CCNY: variants seen among roughly 807,000 people sequenced by gnomAD.
The protein encoded by CCNY is cyclin Y, also known as cyclin-Y.
In CCNY, 19 loss-of-function variants were observed where a neutral mutation model predicts 42.8. The observed-to-expected ratio is 0.44, with a 90% CI of 0.31 to 0.65. CCNY has a LOEUF of 0.65. CCNY is among the 30% of genes least tolerant of loss of function. The pLI, the probability that CCNY is intolerant of heterozygous loss-of-function variation, is 0.07. For synonymous variants in CCNY, 165 were observed against 162.7 expected (o/e 1.01, Z -0.11); for missense variants, 370 against 437.3 (o/e 0.85, Z 1.37).
At chr10:35,431,775 A>G (rs1042035407) in intron 1 of CCNY, among the ~76,000 whole-genome samples, 2 of 151,862 alleles carry the variant, frequency 1.3e-5, no homozygotes, top group Non-Finnish European at 2.9e-5. Context: ...GCTACGTTAG[A>G]CCTCGGTTCC....
At chr10:35,258,343 G>T (rs1264609308) in intron 3 of CCNY, among the ~76,000 whole-genome samples, 1 of 152,188 alleles carries the variant, frequency 6.6e-6, no homozygotes, top group Non-Finnish European at 1.5e-5. Flanking sequence ...CCCTGGGCAG[G>T]TGTGAGTACT....
At chr10:35,318,856 C>G (rs1835790659) in intron 3 of CCNY, among the ~76,000 whole-genome samples, 1 of 151,830 alleles carries the variant, frequency 6.6e-6, no homozygotes, top group Non-Finnish European at 1.5e-5. Context: ...AATACAAGAC[C>G]CTCCCCTCCC....
intron 1 of CCNY, among the ~76,000 whole-genome samples, chr10:35,376,403 A>G (rs1177383554): frequency 2.0e-5 from 3 of 152,240 alleles, no homozygotes; most frequent in Non-Finnish European, 4.4e-5. Flanking sequence ...GGTGAAGACA[A>G]CTCAAATGTC....
intron 3 of CCNY, among the ~76,000 whole-genome samples, chr10:35,290,059 T>G (rs1835393707): frequency 6.6e-6 from 1 of 151,524 alleles, no homozygotes; most frequent in Non-Finnish European, 1.5e-5. Flanking sequence ...CCCTGCTGTC[T>G]ACTAAAAATA....
chr10:35,465,372 C>T (rs901397701), intron 1 of CCNY, among the ~76,000 whole-genome samples: 1 of 152,118 alleles, frequency 6.6e-6, no homozygotes, highest in African/African-American at 2.4e-5. Flanking sequence ...GAGGTCGTCA[C>T]GTATATTTCT....
At chr10:35,534,378 CAACTG>C (rs1282630683) in intron 7 of CCNY, among the ~76,000 whole-genome samples, 1 of 152,166 alleles carries the variant, frequency 6.6e-6, no homozygotes, top group Non-Finnish European at 1.5e-5. Flanking sequence ...GGACATCACT[CAACTG>C]AACCTTGATT....
chr10:35,362,944 T>C (rs1836721351), intron 1 of CCNY, among the ~76,000 whole-genome samples: 1 of 150,574 alleles, frequency 6.6e-6, no homozygotes, highest in African/African-American at 2.5e-5. Flanking sequence ...TCCCAGATGG[T>C]CGGTGGCCGT....
intron 1 of CCNY, among the ~76,000 whole-genome samples, chr10:35,457,442 G>GCCC (rs1839061732): frequency 6.6e-6 from 1 of 152,156 alleles, no homozygotes; most frequent in Admixed American, 6.5e-5. Flanking sequence ...GGGAGGCCTT[G>GCCC]CCCCTCCGTG....
intron 1 of CCNY, among the ~76,000 whole-genome samples, chr10:35,373,514 A>G (rs1836983953): frequency 6.6e-6 from 1 of 152,120 alleles, no homozygotes; most frequent in African/African-American, 2.4e-5. Context: ...AGTAAAGAGG[A>G]ACGGCATACC....
rs1161782614 is a variant in CCNY, at chr10:35,365,204, G to A, written c.154+27997G>A. Among the ~76,000 whole-genome samples, 3 of 152,118 alleles carry A rather than the reference G, an allele frequency of 2.0e-5. No homozygotes were observed. In the East Asian group the frequency reaches 5.8e-4, roughly 29 times the overall value. On this transcript the variant is annotated intron_variant, in intron 1 of 9. Transcript: ENST00000374704. ...AGGCTATCTTTTCTGTAGGACATTG[G>A]TTATCTTCACTGGAGGACTTTTGAA...
At chr10:35,475,837 G>T (rs2135352811) in intron 1 of CCNY, among the ~76,000 whole-genome samples, 1 of 151,342 alleles carries the variant, frequency 6.6e-6, no homozygotes, top group South Asian at 2.1e-4. Context: ...AAAAGACACA[G>T]ACTGGCAAAT....
chr10:35,305,387 G>A (rs1475017549), intron 3 of CCNY, among the ~76,000 whole-genome samples: 2 of 152,170 alleles, frequency 1.3e-5, no homozygotes, highest in Non-Finnish European at 2.9e-5. Flanking sequence ...CATGAAATCA[G>A]CTTCAAGACA....
At chr10:35,332,272 C>A (rs979784311), upstream of CCNY, 5 of 152,196 alleles carry the variant, frequency 3.3e-5, no homozygotes, top group African/African-American at 1.2e-4. Flanking sequence ...GGAGACACTA[C>A]AGATTTTCCT....
chr10:35,401,655 A>T (rs913077779), intron 1 of CCNY, among the ~76,000 whole-genome samples: 1 of 152,120 alleles, frequency 6.6e-6, no homozygotes, highest in Admixed American at 6.5e-5. Context: ...TGTGTGAGCA[A>T]CAAGGCTGTT....
chr10:35,369,755 T>C (rs1190859925), intron 1 of CCNY, among the ~76,000 whole-genome samples: 1 of 152,232 alleles, frequency 6.6e-6, no homozygotes, highest in Non-Finnish European at 1.5e-5. Flanking sequence ...CTGCACATTA[T>C]CTCAATTTGT....
At chr10:35,563,548 A>G (rs1198295465) in intron 8 of CCNY, among the ~76,000 whole-genome samples, 1 of 152,152 alleles carries the variant, frequency 6.6e-6, no homozygotes, top group Non-Finnish European at 1.5e-5. Context: ...GACGTTTGAC[A>G]GTTCTGGCCT....
intron 3 of CCNY, among the ~76,000 whole-genome samples, chr10:35,267,130 G>A (rs986848753): frequency 1.0e-4 from 15 of 150,300 alleles, no homozygotes; most frequent in African/African-American, 3.7e-4. Flanking sequence ...AGGGCACATA[G>A]AACAGCTCTT....
Position 35,419,533 on chromosome 10 carries a change from C to CTTTTTTTTTTTTTTT in CCNY, c.155-63870_155-63856dup, listed in dbSNP as rs34429228. 2.9e-4 allele frequency among the ~76,000 whole-genome samples: 37 copies of CTTTTTTTTTTTTTTT among 129,674 alleles called. 2 individuals are homozygous for CTTTTTTTTTTTTTTT. Among genetic ancestry groups the CTTTTTTTTTTTTTTT allele is most frequent in the African/African-American group, 7.3e-4 (23 of 31,724 alleles). 85.1% of individuals were successfully genotyped at this position (129,674 alleles called of 152,430 possible). On this transcript the variant is annotated intron_variant, in intron 1 of 9. Transcript: ENST00000374704. ...AGGACTGGGTTGCATTAGACCGTTC[C>CTTTTTTTTTTTTTTT]TTTTTTTTTTTTTTTAGCAATCTGG...
At chr10:35,554,872 A>G (rs1287206775) in intron 8 of CCNY, among the ~76,000 whole-genome samples, 3 of 152,248 alleles carry the variant, frequency 2.0e-5, no homozygotes, top group African/African-American at 4.8e-5. Flanking sequence ...GAGAACAGAG[A>G]AAAATGACCA....
Sources: gnomAD v4.1 joint callset for allele counts (sites outside exome capture counted in the v4.1 genomes callset) on GRCh38, gnomAD v4.1.1 for gene constraint, MANE v1.5 for transcripts, NCBI Gene and HGNC (gene_info 2026-07-23, HGNC 2026-07-21) for gene names.